The following ASPM variants were observed in gnomAD, a reference collection of about 807,000 sequenced individuals.
ASPM encodes the protein abnormal spindle-like microcephaly-associated protein.
A neutral mutation model predicts 366.4 loss-of-function variants in ASPM; 256 were observed. That is an observed-to-expected ratio of 0.70 (90% CI 0.63 to 0.77). The LOEUF (loss-of-function observed/expected upper bound fraction) is 0.77, where lower values mean the gene tolerates loss of function less well. ASPM is among the 30% of genes least tolerant of loss of function. The pLI is 0.00. For synonymous variants in ASPM, 1,414 were observed against 1,342.9 expected (o/e 1.05, Z -1.16); for missense variants, 4,146 against 4,090.4 (o/e 1.01, Z -0.37).
At chr1:197,146,003 A>C in intron 1 of ASPM, 138 bp downstream of exon 1, 1 of 1,083,264 alleles carries the variant, frequency 9.2e-7, no homozygotes, top group Non-Finnish European at 1.4e-6. Flanking sequence ...ACAGTTATTG[A>C]GTGAAAGGGA....
At chr1:197,095,651 C>G (rs922193683) in intron 19 of ASPM, among the ~76,000 whole-genome samples, 1 of 151,600 alleles carries the variant, frequency 6.6e-6, no homozygotes, top group Non-Finnish European at 1.5e-5. Context: ...TTAAGTCACC[C>G]AGCAAAATGG....
At chr1:197,128,401 G>T in intron 10 of ASPM, 89 bp downstream of exon 10, 2 of 1,292,090 alleles carry the variant, frequency 1.5e-6, no homozygotes, top group Non-Finnish European at 2.2e-6. Flanking sequence ...CTACTTGAAA[G>T]AGCAAGATTG....
intron 16 of ASPM, among the ~76,000 whole-genome samples, chr1:197,119,311 C>G (rs879283792): frequency 4.6e-5 from 7 of 152,028 alleles, no homozygotes; most frequent in Admixed American, 4.6e-4. Context: ...TGTAGAGGCT[C>G]AAGTTAAAAG....
At chr1:197,145,795 T>G (rs6675840) in intron 1 of ASPM, among the ~76,000 whole-genome samples, 1,966 of 151,534 alleles carry the variant, frequency 0.013, 39 homozygotes, top group African/African-American at 0.043. Flanking sequence ...CGCGCGCGTT[T>G]ATGTGTTGTC....
In ASPM at chr1:197,128,504, A is replaced by G; in HGVS notation, c.2922T>C (p.Cys974=). 1 of 1,613,254 alleles carries G rather than the reference A, an allele frequency of 6.2e-7. No individual in the cohort carries two copies. Among genetic ancestry groups the G allele is most frequent in the Non-Finnish European group, 8.5e-7 (1 of 1,179,188 alleles). ...CTTATACGTACACAAGGCGCACTCC[A>G]CATTGCAAGTCTACGGCAAGATTTG... is the stretch of plus-strand genomic sequence containing the variant. ...AVTNLAVDLQ[C]GVRLVRTMEL... Residue 974 remains cysteine (C), a synonymous_variant, in exon 10 of 28, where the codon TGT becomes TGC. Transcript: ENST00000367409.
chr1:197,129,815 G>T, intron 8 of ASPM, 100 bp downstream of exon 8: 1 of 1,406,226 alleles, frequency 7.1e-7, no homozygotes, highest in Non-Finnish European at 9.9e-7. Context: ...ATTTAGATTG[G>T]TTTCTTTGAG....
intron 17 of ASPM, among the ~76,000 whole-genome samples, chr1:197,107,326 C>T (rs1657443885): frequency 6.6e-6 from 1 of 152,028 alleles, no homozygotes; most frequent in African/African-American, 2.4e-5. Flanking sequence ...TGATATGATA[C>T]AAATATCACT....
intron 9 of ASPM, among the ~76,000 whole-genome samples, chr1:197,128,927 A>G (rs757645845): frequency 6.6e-6 from 1 of 152,136 alleles, no homozygotes; most frequent in Non-Finnish European, 1.5e-5. Flanking sequence ...TCAAAAATTA[A>G]ATCTTCAGAA....
chr1:197,129,960 C>G lies in ASPM; in HGVS notation c.2584G>C (p.Ala862Pro). ...LNRLLWNPDI[A>P]AEYRHPTVPH... ...ACAGTGGGGTGTCTATACTCAGCTG[C>G]TATATCAGGATTCCAAAGTAGGCGA... Residue 862 changes from alanine to proline, a missense_variant, in exon 8 of 28, where the codon GCA becomes CCA. Coordinates refer to ENST00000367409, the MANE Select transcript of ASPM (RefSeq NM_018136.5). 3 of 1,613,920 alleles carry G rather than the reference C, an allele frequency of 1.9e-6. No homozygotes were observed. The highest frequency in any genetic ancestry group is 2.5e-6 in the Non-Finnish European group (3 of 1,179,878).
At chr1:197,126,928 T>C (rs1435227345) in intron 10 of ASPM, among the ~76,000 whole-genome samples, 1 of 152,224 alleles carries the variant, frequency 6.6e-6, no homozygotes, top group Non-Finnish European at 1.5e-5. Flanking sequence ...AAGACACGTC[T>C]GAATATTGGC....
chr1:197,129,822 T>A, intron 8 of ASPM, 93 bp downstream of exon 8: 12 of 1,482,688 alleles, frequency 8.1e-6, no homozygotes, highest in Non-Finnish European at 1.1e-5. Context: ...TTGGTTTCTT[T>A]GAGAAAGGAA....
rs1656964223 is a variant in ASPM, at chr1:197,096,046, G to A, written c.8939C>T (p.Ala2980Val). ...GAAGCAACCTTGAATAATTTTAACA[G>A]CTTTTAATATAGCTAGATATTCTTT... ...AHKEYLAILK[A>V]VKIIQGCFYT... is the part of the protein sequence containing the mutation. Residue 2980 changes from alanine to valine, a missense_variant, in exon 19 of 28, where the codon GCT (alanine) becomes GTT (valine). Physicochemically the swap from Ala to Val is moderately conservative, Grantham distance 64. Around this residue, in one of 3 missense-constraint regions of ASPM, gnomAD observed 3,624 missense variants for 3,591.7 expected, o/e 1.01. Transcript: ENST00000367409. The A allele has an allele frequency of 1.2e-6, 2 of 1,609,300 alleles. No individual in the cohort carries two copies. Among genetic ancestry groups the A allele is most frequent in the African/African-American group, 2.7e-5 (2 of 74,670 alleles).
intron 17 of ASPM, among the ~76,000 whole-genome samples, chr1:197,113,390 T>C (rs1440037093): frequency 6.6e-6 from 1 of 152,062 alleles, no homozygotes; most frequent in Non-Finnish European, 1.5e-5. Flanking sequence ...AAAAAGAATA[T>C]ATAATGTATA....
chr1:197,125,457 C>T (rs1410228448), intron 10 of ASPM, among the ~76,000 whole-genome samples: 1 of 151,722 alleles, frequency 6.6e-6, no homozygotes, highest in Non-Finnish European at 1.5e-5. Flanking sequence ...AATAATAGGG[C>T]TCTACAGAAA....
rs985195866 is a variant in ASPM, at chr1:197,146,333, G to A, written c.105C>T (p.Ser35=). The A allele has an allele frequency of 3.8e-5, 62 of 1,613,060 alleles. No individual in the cohort carries two copies. The highest frequency in any genetic ancestry group is 4.7e-5 in the Non-Finnish European group (55 of 1,179,962). The change falls in exon 1 of 28, where the codon TCC becomes TCT. Residue 35 remains serine, a synonymous_variant. Coordinates refer to ENST00000367409, the MANE Select transcript of ASPM (RefSeq NM_018136.5). ...AGTGGCTGAGAGACAGGACCGGCGGGGAAGACGCCTCCTCCTCGGCCGCGG... is the reference window on the plus strand; with the variant it reads ...AGTGGCTGAGAGACAGGACCGGCGGAGAAGACGCCTCCTCCTCGGCCGCGG... ...RGPAAEEEAS[S]PPVLSLSHFC... is the part of the protein sequence containing the mutation.
Position 197,139,748 on chromosome 1 carries a change from A to C in ASPM, c.2026+19T>G, listed in dbSNP as rs2125112356. On this transcript the variant is annotated intron_variant, in intron 4 of 27. Transcript: ENST00000367409. ...TCGATGTCATGTTTTCAGAGAGTTT[A>C]AGTATAATAAATACTTGCCTGTTTT... 6.6e-7 allele frequency: 1 copy of C among 1,515,792 alleles called. No homozygotes were observed. The highest frequency in any genetic ancestry group is 9.2e-7 in the Non-Finnish European group (1 of 1,090,670). The allele number at this position is 1,515,792 out of a possible 1,614,324, so 93.9% of individuals were successfully genotyped here. A position where few individuals can be genotyped will look rare whatever the true frequency, so the allele number is the denominator to read the frequency against.
chr1:197,139,834 GT>G lies in ASPM; in HGVS notation c.1958del (p.Asn653ThrfsTer15). On this transcript the variant is annotated frameshift_variant, in exon 4 of 28. Transcript: ENST00000367409. LOFTEE classifies it high-confidence loss of function. ...CAGCGATAATGGGTTTTGTCCTTTT[GT>G]TTGTTTTAGAAATTGGAGTTCTGAA... Reference protein sequence around the residue: ...SIFRTPISKTNKRTKPIIAVA... With the variant: ...SIFRTPISKTXKRTKPIIAVA... 6.2e-7 allele frequency: 1 copy of G among 1,611,478 alleles called. No individual in the cohort carries two copies. Among genetic ancestry groups the G allele is most frequent in the Non-Finnish European group, 8.5e-7 (1 of 1,177,736 alleles).
intron 16 of ASPM, among the ~76,000 whole-genome samples, chr1:197,121,091 A>C (rs1395542279): frequency 6.6e-6 from 1 of 152,150 alleles, no homozygotes; most frequent in East Asian, 1.9e-4. Context: ...TTTCTGAAAT[A>C]TTTATGATAA....
chr1:197,112,057 C>T (rs944019000), intron 17 of ASPM, among the ~76,000 whole-genome samples: 2 of 151,890 alleles, frequency 1.3e-5, no homozygotes, highest in Admixed American at 6.6e-5. Flanking sequence ...AAGAAGCATG[C>T]GTGATGTTCA....
Sources: allele counts gnomAD v4.1 joint callset (sites outside exome capture counted in the v4.1 genomes callset), GRCh38; gene constraint gnomAD v4.1.1; regional missense constraint gnomAD v4.1.1; transcripts MANE v1.5; gene names NCBI Gene and HGNC (gene_info 2026-07-23, HGNC 2026-07-21).